Variants in OPCML observed in about 807,000 individuals in gnomAD.
OPCML encodes the protein opioid-binding protein/cell adhesion molecule.
OPCML carries 13 observed loss-of-function variants against 37.8 expected under a neutral mutation model. The observed-to-expected ratio is 0.34, with a 90% CI of 0.22 to 0.55. The LOEUF (loss-of-function observed/expected upper bound fraction) is 0.55, where lower values mean the gene tolerates loss of function less well. Ranked by LOEUF, OPCML falls within the 20% of genes least tolerant of loss-of-function variation. The pLI, the probability that OPCML is intolerant of heterozygous loss-of-function variation, is 0.91. For missense variants in OPCML, 341 were observed against 435.6 expected (o/e 0.78, Z 1.93); for synonymous variants, 176 against 168.8 (o/e 1.04, Z -0.33).
intron 2 of OPCML, chr11:132,860,523 G>C (rs1357839053): frequency 6.6e-6 from 1 of 152,118 alleles, no homozygotes; most frequent in Non-Finnish European, 1.5e-5. Context: ...TCCCCCGAAG[G>C]CCTGTATTGA....
At chr11:133,322,435 GGCGATCTTTTTCAAACACAAAT>G (rs916069762) in intron 1 of OPCML, among the ~76,000 whole-genome samples, 1 of 152,164 alleles carries the variant, frequency 6.6e-6, no homozygotes, top group African/African-American at 2.4e-5. Flanking sequence ...CAAATCGTCT[GGCGATCTTTTTCAAACACAAAT>G]GCTTAGGTCC....
chr11:132,618,992 CACACA>C (rs982613068), intron 3 of OPCML, among the ~76,000 whole-genome samples: 21 of 120,008 alleles, frequency 1.7e-4, no homozygotes, highest in African/African-American at 7.8e-4. Flanking sequence ...CACACACACA[CACACA>C]CACCGTGTTT....
At chr11:133,055,956 G>A (rs1948229702) in intron 1 of OPCML, among the ~76,000 whole-genome samples, 1 of 151,352 alleles carries the variant, frequency 6.6e-6, no homozygotes, top group African/African-American at 2.4e-5. Flanking sequence ...GAGACCCCAT[G>A]AGGGAGCCAC....
chr11:133,418,874 G>A (rs1565624095), intron 1 of OPCML, among the ~76,000 whole-genome samples: 1 of 152,146 alleles, frequency 6.6e-6, no homozygotes, highest in African/African-American at 2.4e-5. Flanking sequence ...CTTTTGAGAT[G>A]TCTTTTCAGA....
intron 2 of OPCML, among the ~76,000 whole-genome samples, chr11:132,692,687 G>C (rs1289683322): frequency 6.6e-6 from 1 of 152,158 alleles, no homozygotes; most frequent in African/African-American, 2.4e-5. Context: ...TTCATCCCAC[G>C]TGGTTAGAAT....
intron 1 of OPCML, among the ~76,000 whole-genome samples, chr11:133,457,198 G>A (rs1252232953): frequency 6.6e-6 from 1 of 152,078 alleles, no homozygotes; most frequent in Non-Finnish European, 1.5e-5. Flanking sequence ...GAGAAAATTA[G>A]ATGATATATT....
chr11:133,157,665 C>T (rs1190947327), intron 1 of OPCML, among the ~76,000 whole-genome samples: 1 of 152,134 alleles, frequency 6.6e-6, no homozygotes, highest in African/African-American at 2.4e-5. Flanking sequence ...ATAAAGGAAG[C>T]TCATTTCAGA....
chr11:133,337,833 G>A (rs1167556312), intron 1 of OPCML, among the ~76,000 whole-genome samples: 2 of 152,138 alleles, frequency 1.3e-5, no homozygotes, highest in Admixed American at 6.5e-5. Context: ...AGGAGATGAT[G>A]TTACAGCAGT....
chr11:132,689,660 C>G (rs763835916), intron 2 of OPCML, among the ~76,000 whole-genome samples: 5 of 152,308 alleles, frequency 3.3e-5, no homozygotes, highest in Non-Finnish European at 5.9e-5. Context: ...CAGTACTGCA[C>G]AGAATTTGAT....
intron 2 of OPCML, among the ~76,000 whole-genome samples, chr11:132,835,493 G>A (rs550587853): frequency 6.6e-6 from 1 of 152,276 alleles, no homozygotes; most frequent in South Asian, 2.1e-4. Flanking sequence ...TCTCTCCCTA[G>A]TCAGTACCAG....
At chr11:132,901,479 G>A (rs1358249306) in intron 2 of OPCML, among the ~76,000 whole-genome samples, 1 of 152,214 alleles carries the variant, frequency 6.6e-6, no homozygotes, top group Non-Finnish European at 1.5e-5. Flanking sequence ...CACTTGTCAT[G>A]TAACAGACTC....
chr11:132,614,131 C>T (rs1376457490), intron 3 of OPCML, among the ~76,000 whole-genome samples: 2 of 152,064 alleles, frequency 1.3e-5, no homozygotes, highest in Non-Finnish European at 2.9e-5. Context: ...ATGCCTTAGG[C>T]CTACTGCCTT....
At chr11:132,892,356 A>G (rs1277464784) in intron 2 of OPCML, among the ~76,000 whole-genome samples, 1 of 152,214 alleles carries the variant, frequency 6.6e-6, no homozygotes, top group Non-Finnish European at 1.5e-5. Flanking sequence ...AAGGAGAGCT[A>G]TTTGGAGTGG....
At chr11:132,572,089 T>G (rs1030163604) in intron 3 of OPCML, among the ~76,000 whole-genome samples, 2 of 152,088 alleles carry the variant, frequency 1.3e-5, no homozygotes, top group Admixed American at 1.3e-4. Context: ...ATTCAAGTAT[T>G]TAGCCCATTT....
At chr11:133,529,415 C>G (rs910215256) in intron 1 of OPCML, among the ~76,000 whole-genome samples, 2 of 152,236 alleles carry the variant, frequency 1.3e-5, no homozygotes, top group Non-Finnish European at 2.9e-5. Flanking sequence ...CCAGGGGTGT[C>G]CAGAGCCTCG....
At chr11:133,118,076 C>T (rs1249537261) in intron 1 of OPCML, among the ~76,000 whole-genome samples, 10 of 152,114 alleles carry the variant, frequency 6.6e-5, no homozygotes, top group African/African-American at 2.2e-4. Flanking sequence ...AGAAACATGC[C>T]GCAGTCTGAG....
In OPCML at chr11:132,819,539, A is replaced by G. The variant is rs542049061; in HGVS notation, c.146+123387T>C. On this transcript the variant is annotated intron_variant, in intron 2 of 7. Coordinates refer to ENST00000524381, the MANE Select transcript of OPCML (RefSeq NM_001012393.5). ...ATAGCAGTTGGACACAGAATTATCA[A>G]CCTGGAAGATAGGCCAATAGATCAT... 5.6e-4 allele frequency among the ~76,000 whole-genome samples: 86 copies of G among 152,342 alleles called. 3 individuals carry two copies. The South Asian group carries it at 0.017, about 31-fold the overall frequency.
At chr11:132,443,632 G>A (rs985842009) in intron 4 of OPCML, among the ~76,000 whole-genome samples, 1 of 152,166 alleles carries the variant, frequency 6.6e-6, no homozygotes, top group African/African-American at 2.4e-5. Context: ...AAGCTGTCAA[G>A]GAACACAGAT....
intron 1 of OPCML, among the ~76,000 whole-genome samples, chr11:133,319,033 T>C (rs1943269565): frequency 6.6e-6 from 1 of 151,942 alleles, no homozygotes; most frequent in South Asian, 2.1e-4. Flanking sequence ...TCTCAAAAAA[T>C]AAAAATAAAA....
Sources: allele counts gnomAD v4.1 joint callset (sites outside exome capture counted in the v4.1 genomes callset), GRCh38; gene constraint gnomAD v4.1.1; transcripts MANE v1.5; gene names NCBI Gene and HGNC (gene_info 2026-07-23, HGNC 2026-07-21).